The following LEPR variants were observed in gnomAD, a reference collection of about 807,000 sequenced individuals.
LEPR encodes the protein leptin receptor, also known as OB receptor.
In LEPR, 56 loss-of-function variants were observed where a neutral mutation model predicts 114.7. The ratio of observed to expected loss-of-function variants is 0.49; its 90% confidence interval spans 0.39 to 0.61. The LOEUF (loss-of-function observed/expected upper bound fraction) is 0.61. Ranked by LOEUF, LEPR falls within the 20% of genes least tolerant of loss-of-function variation. The probability of loss-of-function intolerance (pLI) is 0.00; values close to 1 mark genes in which losing one functional copy is unlikely to be tolerated. For synonymous variants in LEPR, 443 were observed against 461.4 expected, an observed-to-expected ratio of 0.96 and a Z score of 0.51; for missense variants, 1,202 against 1,352.9, an observed-to-expected ratio of 0.89 and a Z score of 1.75.
Position 65,592,812 on chromosome 1 carries a change from C to A in LEPR, c.650C>A (p.Ser217Tyr). ...CTCCTTATGTGTTTGAAAATCACAT[C>A]TGGTGGAGTAATTTTCCAGTCACCT... ...DTLLMCLKIT[S>Y]GGVIFQSPLM... Residue 217 changes from serine (S) to tyrosine (Y), a missense_variant, in exon 6 of 20, where the codon TCT (serine) becomes TAT (tyrosine). Transcript: ENST00000349533. 2 of 1,613,276 alleles carry A rather than the reference C, an allele frequency of 1.2e-6. No individual in the cohort carries two copies. The highest frequency in any genetic ancestry group is 1.7e-6 in the Non-Finnish European group (2 of 1,179,426).
chr1:65,449,882 T>C (rs1267634146), intron 2 of LEPR, among the ~76,000 whole-genome samples: 3 of 152,174 alleles, frequency 2.0e-5, no homozygotes, highest in Admixed American at 2.0e-4. Context: ...TTCTAATATA[T>C]ACATTTAATG....
Position 65,522,755 on chromosome 1 carries a change from T to G in LEPR, c.-20-42791T>G, listed in dbSNP as rs1224456450. On this transcript the variant is annotated intron_variant, in intron 2 of 19. Coordinates refer to ENST00000349533, the MANE Select transcript of LEPR (RefSeq NM_002303.6). ...CCAGCAGGATCTGTATCTGTGTAAGTGGGCATAGTATTGATTTTTTTTCAA... is the reference window on the plus strand; with the variant it reads ...CCAGCAGGATCTGTATCTGTGTAAGGGGGCATAGTATTGATTTTTTTTCAA... Among the ~76,000 whole-genome samples, 7 of 152,298 alleles carry G rather than the reference T, an allele frequency of 4.6e-5. No homozygotes were observed. In the East Asian group the frequency reaches 1.2e-3, roughly 25 times the overall value.
At position 65,637,026 on chromosome 1, in the gene LEPR, G is replaced by A; in HGVS notation, c.*11G>A. On this transcript the variant is annotated 3_prime_UTR_variant, in exon 20 of 20. Coordinates refer to ENST00000349533, the MANE Select transcript of LEPR (RefSeq NM_002303.6). Reference sequence around the variant, plus strand: ...GACCTAACTGTGTAATTTCACTGAAGAAACCTTCAGATTTGTGTTATAATG... The same window carrying A: ...GACCTAACTGTGTAATTTCACTGAAAAAACCTTCAGATTTGTGTTATAATG... The A allele has an allele frequency of 6.2e-7, 1 of 1,611,408 alleles. No homozygotes were observed. The highest frequency in any genetic ancestry group is 8.5e-7 in the Non-Finnish European group (1 of 1,179,058).
intron 2 of LEPR, among the ~76,000 whole-genome samples, chr1:65,514,969 T>A (rs757218748): frequency 3.9e-5 from 6 of 152,370 alleles, no homozygotes; most frequent in South Asian, 4.1e-4. Context: ...AGATAATGTT[T>A]CATGATAAAA....
At chr1:65,499,056 T>C (rs1028203398) in intron 2 of LEPR, among the ~76,000 whole-genome samples, 1 of 152,118 alleles carries the variant, frequency 6.6e-6, no homozygotes, top group Non-Finnish European at 1.5e-5. Flanking sequence ...TAAGTGATCC[T>C]AGTCTAAAAG....
intron 2 of LEPR, among the ~76,000 whole-genome samples, chr1:65,442,512 CA>C (rs1646662704): frequency 6.6e-6 from 1 of 152,168 alleles, no homozygotes; most frequent in African/African-American, 2.4e-5. Context: ...CACATGTTCT[CA>C]GGATCTCTTG....
intron 6 of LEPR, among the ~76,000 whole-genome samples, chr1:65,593,986 C>T (rs1655878225): frequency 6.6e-6 from 1 of 151,946 alleles, no homozygotes; most frequent in African/African-American, 2.4e-5. Context: ...TTTTAAAGAA[C>T]TTGAAAGCTT....
At chr1:65,425,185 T>C (rs1646335403) in intron 1 of LEPR, 118 bp from the exon 2 acceptor site, 1 of 768,644 alleles carries the variant, frequency 1.3e-6, no homozygotes, top group Non-Finnish European at 2.2e-6. Flanking sequence ...CCAGAAAATT[T>C]ACTCATCCGC....
At chr1:65,620,702 A>G (rs1657827765) in intron 17 of LEPR, among the ~76,000 whole-genome samples, 1 of 152,162 alleles carries the variant, frequency 6.6e-6, no homozygotes, top group Non-Finnish European at 1.5e-5. Flanking sequence ...ATTCTTGGAA[A>G]CTGCAACTTT....
intron 2 of LEPR, among the ~76,000 whole-genome samples, chr1:65,488,226 C>CTCTTTCTTTCTTTCTT (rs71577203): frequency 2.5e-4 from 17 of 67,964 alleles, no homozygotes; most frequent in South Asian, 1.1e-3. Flanking sequence ...CTCTCTCTCT[C>CTCTTTCTTTCTTTCTT]TCTTTCTTTC....
intron 2 of LEPR, among the ~76,000 whole-genome samples, chr1:65,536,809 C>T (rs1401558838): frequency 6.6e-6 from 1 of 152,124 alleles, no homozygotes; most frequent in African/African-American, 2.4e-5. Context: ...GAATGCCTCA[C>T]TATTGTTTCT....
Position 65,636,940 on chromosome 1 carries a change from C to A in LEPR, c.3423C>A (p.Tyr1141Ter). The A allele has an allele frequency of 6.2e-7, 1 of 1,609,262 alleles. No homozygotes were observed. Among genetic ancestry groups the A allele is most frequent in the Non-Finnish European group, 8.5e-7 (1 of 1,178,526 alleles). ...GTSSKKTFAS[Y>*]MPQFQTCSTQ... The stretch of plus-strand genomic sequence containing the variant: ...CTAGTAAGAAGACTTTTGCATCTTA[C>A]ATGCCTCAATTCCAAACTTGTTCTA... The change falls in exon 20 of 20, where the codon TAC becomes TAA. Residue 1141 changes from tyrosine to a stop codon, truncating the protein, a stop_gained. Coordinates refer to ENST00000349533, the MANE Select transcript of LEPR (RefSeq NM_002303.6). LOFTEE classifies it high-confidence loss of function.
intron 5 of LEPR, among the ~76,000 whole-genome samples, chr1:65,582,089 C>T (rs1413544147): frequency 6.6e-6 from 1 of 152,230 alleles, no homozygotes; most frequent in Non-Finnish European, 1.5e-5. Flanking sequence ...GCCACTCACA[C>T]ATTTTCAGGT....
chr1:65,534,747 A>G (rs1381192808), intron 2 of LEPR, among the ~76,000 whole-genome samples: 1 of 152,220 alleles, frequency 6.6e-6, no homozygotes, highest in Non-Finnish European at 1.5e-5. Flanking sequence ...TTGTGGGGAC[A>G]TATAAATGTT....
At chr1:65,606,980 G>A (rs1656854165) in intron 11 of LEPR, among the ~76,000 whole-genome samples, 2 of 152,126 alleles carry the variant, frequency 1.3e-5, no homozygotes, top group Non-Finnish European at 2.9e-5. Flanking sequence ...TTGGTTTTTG[G>A]CAAGTGAGAC....
Position 65,575,661 on chromosome 1 carries a change from CT to C in LEPR, c.494+3213del, listed in dbSNP as rs1570732964. ...ATAAGTTAAAAAAAAATATAATTCT[CT>C]CCTGTGAAGTCTTCTAAGAAAATCA... is the stretch of plus-strand genomic sequence containing the variant. On this transcript the variant is annotated intron_variant, in intron 5 of 19. Transcript: ENST00000349533. Among the ~76,000 whole-genome samples, 3 of 151,384 alleles carry C rather than the reference CT, an allele frequency of 2.0e-5. No individual in the cohort carries two copies. The East Asian group carries it at 5.8e-4, about 29-fold the overall frequency.
At chr1:65,447,627 G>C (rs950528552) in intron 2 of LEPR, among the ~76,000 whole-genome samples, 6 of 151,290 alleles carry the variant, frequency 4.0e-5, no homozygotes, top group Non-Finnish European at 7.4e-5. Context: ...TGGCCTCCTG[G>C]GCTCAGGTGA....
chr1:65,520,726 T>A (rs1372742021), intron 2 of LEPR, among the ~76,000 whole-genome samples: 1 of 152,208 alleles, frequency 6.6e-6, no homozygotes. Flanking sequence ...CACATACTTA[T>A]TGACAGCAAG....
intron 2 of LEPR, among the ~76,000 whole-genome samples, chr1:65,457,612 C>G (rs1646894203): frequency 6.6e-6 from 1 of 152,124 alleles, no homozygotes; most frequent in South Asian, 2.1e-4. Flanking sequence ...GTATTTATCA[C>G]CAGAATAACA....
Sources: allele counts gnomAD v4.1 joint callset (sites outside exome capture counted in the v4.1 genomes callset), GRCh38; gene constraint gnomAD v4.1.1; transcripts MANE v1.5; gene names NCBI Gene and HGNC (gene_info 2026-07-23, HGNC 2026-07-21).